The following SCAP variants were observed in gnomAD, a reference collection of about 807,000 sequenced individuals.
The protein encoded by SCAP is sterol regulatory element-binding protein cleavage-activating protein.
Under a neutral mutation model 123.6 loss-of-function variants are expected in SCAP, and 65 were observed. The ratio of observed to expected loss-of-function variants is 0.53; its 90% confidence interval spans 0.43 to 0.65. SCAP has a LOEUF of 0.65. Among genes scored for constraint, SCAP ranks in the 30% least tolerant of loss-of-function variants. SCAP has a pLI of 0.00. For missense variants in SCAP, 1,398 were observed against 1,712.5 expected (o/e 0.82, Z 3.24); for synonymous variants, 740 against 726.3 (o/e 1.02, Z -0.30).
intron 8 of SCAP, among the ~76,000 whole-genome samples, chr3:47,424,406 C>T (rs905820718): frequency 7.2e-5 from 11 of 152,216 alleles, no homozygotes; most frequent in African/African-American, 2.7e-4. Context: ...ATGACTGCTG[C>T]CAAGACCCAC....
At chr3:47,445,417 T>C (rs1706995953) in intron 1 of SCAP, among the ~76,000 whole-genome samples, 1 of 151,886 alleles carries the variant, frequency 6.6e-6, no homozygotes, top group African/African-American at 2.4e-5. Context: ...CAGCTATTTT[T>C]TCGTATTTTT....
At chr3:47,473,385 A>G (rs1311422835) in intron 1 of SCAP, among the ~76,000 whole-genome samples, 1 of 152,184 alleles carries the variant, frequency 6.6e-6, no homozygotes, top group East Asian at 1.9e-4. Context: ...GCAAAAGACG[A>G]CACCTGAACC....
chr3:47,449,346 A>C lies in SCAP; in HGVS notation c.-98-6255T>G, dbSNP rs1373693920. Among the ~76,000 whole-genome samples the C allele has an allele frequency of 3.2e-5, 4 of 123,746 alleles. 1 individual carries two copies. Among genetic ancestry groups the C allele is most frequent in the Non-Finnish European group, 3.6e-5 (2 of 56,180 alleles). 81.2% of individuals were successfully genotyped at this position (123,746 alleles called of 152,430 possible). On this transcript the variant is annotated intron_variant, in intron 1 of 22. Coordinates refer to ENST00000265565, the MANE Select transcript of SCAP (RefSeq NM_012235.4). ...TCTTCTGGCTAAAAGTCAGGGGTTT[A>C]ATTTCCCTAACCTGCTGAGTACCTC... is the stretch of plus-strand genomic sequence containing the variant.
At chr3:47,461,859 C>T (rs6792488) in intron 1 of SCAP, among the ~76,000 whole-genome samples, 57,265 of 151,950 alleles carry the variant, frequency 0.38, 11,165 homozygotes, top group East Asian at 0.53. Context: ...CACGGTGAAA[C>T]CCTATCTCTA....
intron 1 of SCAP, 130 bp downstream of exon 1, chr3:47,475,669 G>C (rs1038248096): frequency 6.6e-6 from 1 of 152,638 alleles, no homozygotes; most frequent in African/African-American, 2.4e-5. Flanking sequence ...CGGCCCGCAC[G>C]GCTGCTGGAC....
In SCAP at chr3:47,421,255, T is replaced by C. The variant is rs1559543496; in HGVS notation, c.1246-226A>G. On this transcript the variant is annotated intron_variant, in intron 10 of 22. Transcript: ENST00000265565. Reference sequence around the variant, plus strand: ...CCCTCACACTTTCTTCAGAAAGGGCTGAAAGGGAAGGGGAAGTACCTTCCC... The same window carrying C: ...CCCTCACACTTTCTTCAGAAAGGGCCGAAAGGGAAGGGGAAGTACCTTCCC... 5 of 563,528 alleles carry C rather than the reference T, an allele frequency of 8.9e-6. No individual in the cohort carries two copies. In the African/African-American group the frequency reaches 9.5e-5, roughly 11 times the overall value. 34.9% of individuals were successfully genotyped at this position (563,528 alleles called of 1,614,324 possible). A position where few individuals can be genotyped will look rare whatever the true frequency, so the allele number is the denominator to read the frequency against.
intron 8 of SCAP, chr3:47,425,233 A>G: frequency 2.1e-6 from 1 of 473,720 alleles, no homozygotes; most frequent in Non-Finnish European, 3.8e-6. Context: ...CCCCTTATAT[A>G]CACACCCAGC....
At chr3:47,425,192 A>G (rs1473211524) in intron 8 of SCAP, 11 of 338,752 alleles carry the variant, frequency 3.2e-5, no homozygotes, top group Non-Finnish European at 4.3e-5. Context: ...TGCAATACAT[A>G]CTCATGTATA....
chr3:47,454,729 CAG>C (rs1196376452), intron 1 of SCAP, among the ~76,000 whole-genome samples: 1 of 151,962 alleles, frequency 6.6e-6, no homozygotes, highest in African/African-American at 2.4e-5. Flanking sequence ...GCCCAGATGA[CAG>C]AGACTCTGTC....
Position 47,417,819 on chromosome 3 carries a change from G to C in SCAP, c.2455C>G (p.Arg819Gly). The C allele has an allele frequency of 6.4e-7, 1 of 1,572,092 alleles. No homozygotes were observed. Among genetic ancestry groups the C allele is most frequent in the Non-Finnish European group, 8.6e-7 (1 of 1,164,700 alleles). Residue 819 changes from arginine to glycine, a missense_variant, in exon 17 of 23, where the codon CGC (arginine) becomes GGC (glycine). Arg to Gly is a moderately radical substitution (Grantham distance 125, BLOSUM62 -2). Around this residue, in one of 7 missense-constraint regions of SCAP, gnomAD observed 828 missense variants for 882.5 expected, o/e 0.94. Coordinates refer to ENST00000265565, the MANE Select transcript of SCAP (RefSeq NM_012235.4). ...LTRIPRPGRQRRDSGVGSGLE... is the reference protein window; with the variant it reads ...LTRIPRPGRQGRDSGVGSGLE... Reference sequence around the variant, plus strand: ...CCGCTGCCCACGCCACTGTCCCGGCGCTGCCTGCTGGGGGCCAGGAGGGCG... The same window carrying C: ...CCGCTGCCCACGCCACTGTCCCGGCCCTGCCTGCTGGGGGCCAGGAGGGCG...
intron 3 of SCAP, among the ~76,000 whole-genome samples, chr3:47,431,516 T>C (rs1346202624): frequency 2.6e-5 from 4 of 152,102 alleles, no homozygotes; most frequent in African/African-American, 7.2e-5. Context: ...CTGAGGCTTC[T>C]TGTAGCTTGT....
intron 9 of SCAP, among the ~76,000 whole-genome samples, chr3:47,423,360 G>A (rs917112964): frequency 6.6e-6 from 1 of 152,208 alleles, no homozygotes; most frequent in Non-Finnish European, 1.5e-5. Context: ...CTAGTGTGCT[G>A]GAGTGAGGCA....
At chr3:47,418,580 T>A in intron 14 of SCAP, 58 bp from the exon 15 acceptor site, 1 of 1,520,458 alleles carries the variant, frequency 6.6e-7, no homozygotes, top group Non-Finnish European at 8.9e-7. Context: ...CCTCCCCTCC[T>A]CCCTCTCCCC....
intron 1 of SCAP, among the ~76,000 whole-genome samples, chr3:47,471,805 AATTAT>A (rs1345394533): frequency 6.6e-6 from 1 of 152,184 alleles, no homozygotes; most frequent in African/African-American, 2.4e-5. Context: ...CTTACATATA[AATTAT>A]ATATGTACTA....
chr3:47,420,475 A>C lies in SCAP; in HGVS notation c.1563+79T>G. On this transcript the variant is annotated intron_variant, in intron 12 of 22. Transcript: ENST00000265565. The surrounding 1 kb of genome is among the most constrained non-coding windows in gnomAD (Gnocchi z 5.0). ...CTGAGGAATACCCTTTGCCACTCTA[A>C]GGCCAAGTGCAGCACCACAAGGGGC... The C allele has an allele frequency of 7.6e-7, 1 of 1,324,078 alleles. No individual in the cohort carries two copies. The highest frequency in any genetic ancestry group is 1.0e-6 in the Non-Finnish European group (1 of 979,664). The allele number at this position is 1,324,078 out of a possible 1,614,324, so 82.0% of individuals were successfully genotyped here.
At chr3:47,454,551 A>AC (rs1052295521) in intron 1 of SCAP, among the ~76,000 whole-genome samples, 1 of 150,890 alleles carries the variant, frequency 6.6e-6, no homozygotes, top group African/African-American at 2.4e-5. Flanking sequence ...ACAAGGTGAA[A>AC]CCCCCGTCTC....
chr3:47,435,465 A>C (rs1471986857), intron 2 of SCAP, among the ~76,000 whole-genome samples: 5 of 121,482 alleles, frequency 4.1e-5, no homozygotes, highest in African/African-American at 1.9e-4. Context: ...ATATAATATA[A>C]ACATACACAC....
Position 47,417,816 on chromosome 3 carries a change from G to C in SCAP, c.2458C>G (p.Arg820Gly). 6.7e-7 allele frequency: 1 copy of C among 1,501,462 alleles called. No individual in the cohort carries two copies. 93.0% of individuals were successfully genotyped at this position (1,501,462 alleles called of 1,614,324 possible). Residue 820 changes from arginine (R) to glycine (G), a missense_variant, in exon 17 of 23, where the codon CGG (arginine) becomes GGG (glycine). Around this residue, in one of 7 missense-constraint regions of SCAP, gnomAD observed 828 missense variants for 882.5 expected, o/e 0.94. Transcript: ENST00000265565. Reference sequence around the variant, plus strand: ...AGCCCGCTGCCCACGCCACTGTCCCGGCGCTGCCTGCTGGGGGCCAGGAGG... The same window carrying C: ...AGCCCGCTGCCCACGCCACTGTCCCCGCGCTGCCTGCTGGGGGCCAGGAGG... ...TRIPRPGRQR[R>G]DSGVGSGLEA...
chr3:47,417,430 G>A lies in SCAP; in HGVS notation c.2844C>T (p.Asp948=), dbSNP rs753731611. Residue 948 remains aspartate (D), a synonymous_variant, in exon 17 of 23, where the codon GAC becomes GAT. Coordinates refer to ENST00000265565, the MANE Select transcript of SCAP (RefSeq NM_012235.4). The stretch of plus-strand genomic sequence containing the variant: ...AGCCTTTCTCGGGGGAGCCACCCTC[G>A]TCCTCAGGGGCCTGGGACAGCACCG... ...PGPVLSQAPE[D]EGGSPEKGSP... 6.4e-6 allele frequency: 10 copies of A among 1,558,850 alleles called. No homozygotes were observed. Among genetic ancestry groups the A allele is most frequent in the Non-Finnish European group, 7.8e-6 (9 of 1,152,768 alleles).
Sources: allele counts gnomAD v4.1 joint callset (sites outside exome capture counted in the v4.1 genomes callset), GRCh38; gene constraint gnomAD v4.1.1; regional missense constraint gnomAD v4.1.1; non-coding constraint Gnocchi (gnomAD v3.1); transcripts MANE v1.5; gene names NCBI Gene and HGNC (gene_info 2026-07-23, HGNC 2026-07-21).